The following PPL variants were observed in gnomAD, a reference collection of about 807,000 sequenced individuals.
PPL encodes periplakin, also known as 190 kDa paraneoplastic pemphigus antigen.
A neutral mutation model predicts 194.4 loss-of-function variants in PPL; 198 were observed. The observed-to-expected ratio is 1.02, with a 90% CI of 0.91 to 1.15. The LOEUF is 1.15. Ranked by LOEUF, PPL falls within the 50% of genes most tolerant of loss-of-function variation. PPL has a pLI of 0.00. For synonymous variants in PPL, 1,220 were observed against 972.4 expected (o/e 1.25, Z -4.74); for missense variants, 2,885 against 2,294.8 (o/e 1.26, Z -5.25).
rs539289123 is a variant in PPL, at chr16:4,909,778, C to T, written c.162+1072G>A. ...CTGCATAGGGATGCCAGATGAAATA[C>T]AGATCACCACTTACACTTGATTTTC... On this transcript the variant is annotated intron_variant, in intron 2 of 21. Coordinates refer to ENST00000345988, the MANE Select transcript of PPL (RefSeq NM_002705.5). Among the ~76,000 whole-genome samples the T allele has an allele frequency of 7.2e-5, 11 of 152,308 alleles. No homozygotes were observed. In the East Asian group the frequency reaches 2.1e-3, roughly 29 times the overall value.
chr16:4,888,887 G>T, intron 19 of PPL, 91 bp downstream of exon 19: 1 of 1,295,174 alleles, frequency 7.7e-7, no homozygotes, highest in Non-Finnish European at 1.1e-6. Flanking sequence ...ACCCCCATGT[G>T]CCAGGGCCGG....
intron 16 of PPL, chr16:4,891,472 T>C: frequency 4.2e-6 from 1 of 235,418 alleles, no homozygotes; most frequent in East Asian, 8.4e-5. Context: ...AGAGATAGGG[T>C]CTTGCAACGT....
chr16:4,926,884 AAAAAAAAAC>A (rs557021877), intron 1 of PPL, among the ~76,000 whole-genome samples: 16,135 of 145,394 alleles, frequency 0.11, 1,220 homozygotes, highest in African/African-American at 0.16. Context: ...GTCTCAAAAA[AAAAAAAAAC>A]AAAAAAAAAC....
In PPL at chr16:4,907,472, C is replaced by T. The variant is rs145482902; in HGVS notation, c.162+3378G>A. Among the ~76,000 whole-genome samples the T allele has an allele frequency of 2.8e-3, 430 of 152,002 alleles. 1 individual carries two copies. Among genetic ancestry groups the T allele is most frequent in the Middle Eastern group, 0.01 (3 of 290 alleles). On this transcript the variant is annotated intron_variant, in intron 2 of 21. Coordinates refer to ENST00000345988, the MANE Select transcript of PPL (RefSeq NM_002705.5). ...TTAGCATTTGAATAAATGTGTGATGCAGTGTATGATTCTGTTTATGTGAAA... is the reference window on the plus strand; with the variant it reads ...TTAGCATTTGAATAAATGTGTGATGTAGTGTATGATTCTGTTTATGTGAAA...
intron 1 of PPL, among the ~76,000 whole-genome samples, chr16:4,932,766 G>C (rs762776503): frequency 4.1e-4 from 63 of 151,980 alleles, no homozygotes; most frequent in Non-Finnish European, 4.3e-4. Context: ...TGGCTGCTAT[G>C]ATTTGCCGGG....
intron 4 of PPL, among the ~76,000 whole-genome samples, chr16:4,901,817 G>A (rs907589427): frequency 6.6e-6 from 1 of 151,424 alleles, no homozygotes; most frequent in African/African-American, 2.4e-5. Context: ...GCGTGCACCT[G>A]TAATTCCAGC....
At chr16:4,889,107 T>A in intron 18 of PPL, 46 bp from the exon 19 acceptor site, 1 of 1,528,400 alleles carries the variant, frequency 6.5e-7, no homozygotes, top group Non-Finnish European at 9.1e-7. Context: ...AAAAAAAATT[T>A]AAAAAAGCAA....
chr16:4,934,668 CAG>C (rs1317856248), intron 1 of PPL, among the ~76,000 whole-genome samples: 1 of 152,082 alleles, frequency 6.6e-6, no homozygotes, highest in Non-Finnish European at 1.5e-5. Flanking sequence ...CTGGAAAACT[CAG>C]AGTGAAGGAA....
At chr16:4,929,572 C>G (rs972006664) in intron 1 of PPL, among the ~76,000 whole-genome samples, 1 of 152,230 alleles carries the variant, frequency 6.6e-6, no homozygotes. Context: ...TTTCACAGTA[C>G]CATCTTTGCT....
intron 3 of PPL, among the ~76,000 whole-genome samples, chr16:4,903,663 T>C (rs1298960169): frequency 1.3e-5 from 2 of 151,150 alleles, no homozygotes; most frequent in Non-Finnish European, 2.9e-5. Context: ...GAGATTGCGC[T>C]GAGCCAAGAT....
rs35725819 is a variant in PPL, at chr16:4,884,551, C to T, written c.4104G>A (p.Ala1368=). The part of the protein sequence containing the change: ...YEEEPGLRAE[A]SAFAESIDVE... ...CATCGATGCTCTCGGCAAAGGCGCT[C>T]GCCTCGGCCCGCAGGCCTGGCTCCT... is the stretch of plus-strand genomic sequence containing the variant. The change falls in exon 22 of 22, where the codon GCG becomes GCA. Residue 1368 remains alanine (A), a synonymous_variant. Coordinates refer to ENST00000345988, the MANE Select transcript of PPL (RefSeq NM_002705.5). The surrounding 1 kb of genome is among the most constrained non-coding windows in gnomAD (Gnocchi z 5.7). 1,644 of 1,613,508 alleles carry T rather than the reference C, an allele frequency of 1.0e-3. 19 individuals carry two copies. The African/African-American group carries it at 0.019, about 19-fold the overall frequency.
chr16:4,882,928 A>G lies in PPL; in HGVS notation c.*456T>C, dbSNP rs1049212. The stretch of plus-strand genomic sequence containing the variant: ...ATGGAAAGTTGGTTTTAAGCCAGAA[A>G]TCTGGAGAGATGTCATGCCAGGCAG... On this transcript the variant is annotated 3_prime_UTR_variant, in exon 22 of 22. Transcript: ENST00000345988. 0.46 allele frequency: 84,866 copies of G among 185,408 alleles called. 23,370 individuals are homozygous for G. The highest frequency in any genetic ancestry group is 0.65 in the East Asian group (3,672 of 5,682). The allele number at this position is 185,408 out of a possible 1,614,324, so 11.5% of individuals were successfully genotyped here.
intron 4 of PPL, 35 bp from the exon 5 acceptor site, chr16:4,901,124 G>A (rs1167105988): frequency 6.2e-7 from 1 of 1,610,536 alleles, no homozygotes; most frequent in Non-Finnish European, 8.5e-7. Context: ...TAAGGAGAGG[G>A]TGGGCTGAGG....
intron 11 of PPL, 118 bp downstream of exon 11, chr16:4,895,143 T>G: frequency 1.6e-6 from 2 of 1,273,208 alleles, no homozygotes; most frequent in Non-Finnish European, 1.0e-6. Flanking sequence ...GTTGGCAGAG[T>G]GACACCAACC....
intron 8 of PPL, among the ~76,000 whole-genome samples, chr16:4,898,365 C>T (rs1031234121): frequency 6.6e-6 from 1 of 152,082 alleles, no homozygotes; most frequent in Admixed American, 6.5e-5. Flanking sequence ...GCAACAACAG[C>T]GAAACTCCAT....
intron 1 of PPL, among the ~76,000 whole-genome samples, chr16:4,928,510 C>G (rs773394909): frequency 1.3e-5 from 2 of 152,238 alleles, no homozygotes; most frequent in African/African-American, 4.8e-5. Context: ...CCTGCAAGGC[C>G]GCAGGGCTGT....
rs897271753 is a variant in PPL at position 4,888,226 on chromosome 16, AGGGAGAGACATGGCAGAG to A, written c.2398-26_2398-9del. On this transcript the variant is annotated splice_polypyrimidine_tract_variant and intron_variant, in intron 19 of 21. Transcript: ENST00000345988. ...TGCTTCTAACTCATAGTCCTGCATG[AGGGAGAGACATGGCAGAG>A]GGGAGATTAAAACAGCTGAGAAGAG... The A allele has an allele frequency of 7.6e-6, 12 of 1,570,914 alleles. No homozygotes were observed. The highest frequency in any genetic ancestry group is 9.6e-6 in the Non-Finnish European group (11 of 1,140,778).
chr16:4,892,533 A>G (rs1275447728), intron 14 of PPL, among the ~76,000 whole-genome samples: 3 of 152,110 alleles, frequency 2.0e-5, no homozygotes, highest in South Asian at 2.1e-4. Context: ...GGTGAGTACT[A>G]CGACTCCACC....
At chr16:4,892,797 T>TC (rs1052148751) in intron 14 of PPL, 21 of 169,682 alleles carry the variant, frequency 1.2e-4, no homozygotes, top group Admixed American at 2.5e-4. Context: ...CCCCTCCACG[T>TC]CCCCCCTGGC....
Sources: gnomAD v4.1 joint callset for allele counts (sites outside exome capture counted in the v4.1 genomes callset) on GRCh38, gnomAD v4.1.1 for gene constraint, Gnocchi (gnomAD v3.1) non-coding constraint, MANE v1.5 for transcripts, NCBI Gene and HGNC (gene_info 2026-07-23, HGNC 2026-07-21) for gene names.